The following NCAPD3 variants were observed in gnomAD, a reference collection of about 807,000 sequenced individuals.
NCAPD3 encodes the protein condensin-2 complex subunit D3.
A neutral mutation model predicts 182.9 loss-of-function variants in NCAPD3; 105 were observed. That is an observed-to-expected ratio of 0.57 (90% CI 0.49 to 0.68). The LOEUF (loss-of-function observed/expected upper bound fraction) is 0.68. Among genes scored for constraint, NCAPD3 ranks in the 30% least tolerant of loss-of-function variants. The pLI is 0.00. For missense variants in NCAPD3, 1,944 were observed against 1,837.0 expected, an observed-to-expected ratio of 1.06 and a Z score of -1.07; for synonymous variants, 815 against 679.9, an observed-to-expected ratio of 1.20 and a Z score of -3.09.
chr11:134,223,273 G>C, intron 1 of NCAPD3: 1 of 604,986 alleles, frequency 1.7e-6, no homozygotes, highest in Non-Finnish European at 3.0e-6. Context: ...ATTGCTCGAG[G>C]CTATGATGAA....
intron 19 of NCAPD3, among the ~76,000 whole-genome samples, chr11:134,182,285 C>A (rs1944314442): frequency 6.6e-6 from 1 of 152,218 alleles, no homozygotes; most frequent in Admixed American, 6.5e-5. Flanking sequence ...TAACAGGGGA[C>A]ATGCTCTGGG....
chr11:134,203,962 C>T lies in NCAPD3; in HGVS notation c.1216-56G>A, dbSNP rs920099153. 3.1e-6 allele frequency: 5 copies of T among 1,599,286 alleles called. No individual in the cohort carries two copies. The African/African-American group carries it at 5.4e-5, about 17-fold the overall frequency. ...CAGATAGGAGTAAGAACCAAAGAAC[C>T]CTCCTCATTCAGACCTAGAAAAAGA... is the stretch of plus-strand genomic sequence containing the variant. On this transcript the variant is annotated intron_variant, in intron 10 of 34. Coordinates refer to ENST00000534548, the MANE Select transcript of NCAPD3 (RefSeq NM_015261.3).
chr11:134,192,964 G>A, intron 15 of NCAPD3, 55 bp from the exon 16 acceptor site: 1 of 1,003,236 alleles, frequency 1.0e-6, no homozygotes, highest in Non-Finnish European at 1.6e-6. Context: ...CAGGGAAGTT[G>A]TGATCAACAT....
At chr11:134,196,665 AAAG>A (rs1017442698) in intron 13 of NCAPD3, among the ~76,000 whole-genome samples, 97 of 151,522 alleles carry the variant, frequency 6.4e-4, no homozygotes, top group Non-Finnish European at 1.2e-3. Context: ...AAAAAAAAGA[AAAG>A]AAAAGAAAGA....
rs1402010920 is a variant in NCAPD3, at chr11:134,168,054, T to A, written c.3515A>T (p.Asp1172Val). 1 of 1,614,042 alleles carries A rather than the reference T, an allele frequency of 6.2e-7. No individual in the cohort carries two copies. The highest frequency in any genetic ancestry group is 8.5e-7 in the Non-Finnish European group (1 of 1,179,908). The change falls in exon 27 of 35, where the codon GAT becomes GTT. Residue 1172 changes from aspartate to valine, a missense_variant. By Grantham distance (152) the Asp-to-Val change is radical (BLOSUM62 -3). Coordinates refer to ENST00000534548, the MANE Select transcript of NCAPD3 (RefSeq NM_015261.3). ...GACTACATTTGCCAAGGCCATGTCA[T>A]CTTCTTCCATAAGGAGGTCTTTGTC... ...KPDKDLLMEE[D>V]DMALANVVMQ...
intron 3 of NCAPD3, among the ~76,000 whole-genome samples, chr11:134,215,645 G>A (rs1937987354): frequency 1.3e-5 from 2 of 152,188 alleles, no homozygotes; most frequent in Non-Finnish European, 2.9e-5. Context: ...AATTAAAGAA[G>A]ATCTACAATA....
At chr11:134,167,920 C>T in intron 27 of NCAPD3, 76 bp downstream of exon 27, 1 of 1,361,556 alleles carries the variant, frequency 7.3e-7, no homozygotes, top group Non-Finnish European at 1.0e-6. Flanking sequence ...GGGGGAGGTG[C>T]ACACTCGTGA....
intron 13 of NCAPD3, among the ~76,000 whole-genome samples, chr11:134,201,558 G>T (rs1434807087): frequency 6.6e-6 from 1 of 152,186 alleles, no homozygotes; most frequent in Non-Finnish European, 1.5e-5. Context: ...AGAGAGCAAA[G>T]TGCATCTAAG....
At chr11:134,193,349 T>C (rs774188418) in intron 15 of NCAPD3, among the ~76,000 whole-genome samples, 3 of 152,212 alleles carry the variant, frequency 2.0e-5, no homozygotes, top group Middle Eastern at 3.2e-3. Flanking sequence ...TACTTGTGAG[T>C]CTGCTTTTTT....
At chr11:134,179,061 C>A (rs548416588) in intron 20 of NCAPD3, 125 bp from the exon 21 acceptor site, 4 of 659,176 alleles carry the variant, frequency 6.1e-6, no homozygotes, top group African/African-American at 5.4e-5. Flanking sequence ...TACTAGTTTT[C>A]GTTTCATAAA....
rs769683892 is a variant in NCAPD3, at chr11:134,168,073, C to T, written c.3496G>A (p.Asp1166Asn). The T allele has an allele frequency of 4.3e-6, 7 of 1,614,186 alleles. No homozygotes were observed. In the Admixed American group the frequency reaches 1.0e-4, roughly 23 times the overall value. ...LLAMRSKPDK[D>N]LLMEEDDMAL... ...ATGTCATCTTCTTCCATAAGGAGGT[C>T]TTTGTCTGGTTTAGATCTCATTGCC... The change falls in exon 27 of 35, where the codon GAC becomes AAC. Residue 1166 changes from aspartate to asparagine, a missense_variant. Around this residue, in one of 3 missense-constraint regions of NCAPD3, gnomAD observed 1,803 missense variants for 1,674.6 expected, o/e 1.08. Coordinates refer to ENST00000534548, the MANE Select transcript of NCAPD3 (RefSeq NM_015261.3).
chr11:134,212,410 TTCCACTGGA>T (rs1937872348), intron 3 of NCAPD3, among the ~76,000 whole-genome samples: 1 of 151,486 alleles, frequency 6.6e-6, no homozygotes, highest in Non-Finnish European at 1.5e-5. Flanking sequence ...TGTGTGTGTG[TTCCACTGGA>T]GTCTGGATCT....
Position 134,199,494 on chromosome 11 carries a change from A to C in NCAPD3, c.1615+3322T>G, listed in dbSNP as rs911597340. On this transcript the variant is annotated intron_variant, in intron 13 of 34. Transcript: ENST00000534548. Reference sequence around the variant, plus strand: ...ATAATGTGACAGCAATGCACATTCAAACCATACTTTGAGTTTTGAATTCTG... The same window carrying C: ...ATAATGTGACAGCAATGCACATTCACACCATACTTTGAGTTTTGAATTCTG... Among the ~76,000 whole-genome samples the C allele has an allele frequency of 3.4e-5, 5 of 149,226 alleles. 1 individual carries two copies. The East Asian group carries it at 9.6e-4, about 29-fold the overall frequency.
chr11:134,212,580 A>G (rs1431918522), intron 3 of NCAPD3, among the ~76,000 whole-genome samples: 1 of 151,948 alleles, frequency 6.6e-6, no homozygotes, highest in Non-Finnish European at 1.5e-5. Flanking sequence ...TTTGGTAGAG[A>G]TGGGTTTCAC....
At position 134,192,617 on chromosome 11, in the gene NCAPD3, T is replaced by C. The variant is rs1944546366; in HGVS notation, c.2045+72A>G. The stretch of plus-strand genomic sequence containing the variant: ...GGAAAGCTGATTTTTCGAGGACCAA[T>C]AGGAGAAATTTATTAATACAAAGTC... On this transcript the variant is annotated intron_variant, in intron 16 of 34. Coordinates refer to ENST00000534548, the MANE Select transcript of NCAPD3 (RefSeq NM_015261.3). 4 of 1,331,654 alleles carry C rather than the reference T, an allele frequency of 3.0e-6. No individual in the cohort carries two copies. In the East Asian group the frequency reaches 9.3e-5, roughly 31 times the overall value. 82.5% of individuals were successfully genotyped at this position (1,331,654 alleles called of 1,614,324 possible).
intron 27 of NCAPD3, among the ~76,000 whole-genome samples, chr11:134,167,464 A>G (rs1943874364): frequency 1.6e-5 from 2 of 126,376 alleles, no homozygotes; most frequent in African/African-American, 6.1e-5. Context: ...GGGGAGGCGC[A>G]CACTCACTTG....
At chr11:134,156,309 C>T (rs1591818227) in intron 32 of NCAPD3, among the ~76,000 whole-genome samples, 1 of 152,138 alleles carries the variant, frequency 6.6e-6, no homozygotes, top group Non-Finnish European at 1.5e-5. Context: ...GCACTGTGCA[C>T]AGCCGGGCGC....
chr11:134,195,907 G>C (rs981945314), intron 13 of NCAPD3, among the ~76,000 whole-genome samples: 47 of 152,152 alleles, frequency 3.1e-4, no homozygotes, highest in African/African-American at 1.1e-3. Context: ...GGAAATCAGA[G>C]TGTGGAAGGC....
rs766409279 is a variant in NCAPD3, at chr11:134,192,788, TGCA to T, written c.1943_1945del (p.Leu648del). 3.1e-6 allele frequency: 5 copies of T among 1,614,238 alleles called. No homozygotes were observed. The highest frequency in any genetic ancestry group is 4.2e-6 in the Non-Finnish European group (5 of 1,180,036). On this transcript the variant is annotated inframe_deletion, in exon 16 of 35. Coordinates refer to ENST00000534548, the MANE Select transcript of NCAPD3 (RefSeq NM_015261.3). ...AAAATGACTGTGATGCCGGATGTTC[TGCA>T]GCAGCAGCTGGTCCAGGAACTCCAG... is the stretch of plus-strand genomic sequence containing the variant.
Sources: allele counts gnomAD v4.1 joint callset (sites outside exome capture counted in the v4.1 genomes callset), GRCh38; gene constraint gnomAD v4.1.1; regional missense constraint gnomAD v4.1.1; transcripts MANE v1.5; gene names NCBI Gene and HGNC (gene_info 2026-07-23, HGNC 2026-07-21).